CHCHD4: variants seen among roughly 807,000 people sequenced by gnomAD.
CHCHD4 encodes coiled-coil-helix-coiled-coil-helix domain containing 4, also known as mitochondrial intermembrane space import and assembly protein 40.
A neutral mutation model predicts 12.4 loss-of-function variants in CHCHD4; 7 were observed. The ratio of observed to expected loss-of-function variants is 0.57; its 90% CI spans 0.32 to 1.06. The LOEUF is 1.06. Ranked by LOEUF, CHCHD4 falls within the 50% of genes least tolerant of loss-of-function variation. The pLI, the probability that CHCHD4 is intolerant of heterozygous loss-of-function variation, is 0.04. For synonymous variants in CHCHD4, 56 were observed against 58.0 expected (o/e 0.97, Z 0.16); for missense variants, 143 against 175.1 (o/e 0.82, Z 1.03).
chr3:14,116,427 A>C lies in CHCHD4; in HGVS notation c.120T>G (p.His40Gln). Residue 40 changes from histidine (H) to glutamine (Q), a missense_variant and splice_region_variant, in exon 2 of 3, where the codon CAT becomes CAG. By Grantham distance (24) the His-to-Gln change is conservative (BLOSUM62 0). Coordinates refer to ENST00000396914, the MANE Select transcript of CHCHD4 (RefSeq NM_001098502.2). Reference protein sequence around the residue: ...ADDPNDPYEEHGLILPNGNIN... With the variant: ...ADDPNDPYEEQGLILPNGNIN... ...CCTGGGAGGCCACATGTCACTCACCATGCTCCTCGTATGGATCGTTGGGGT... is the reference window on the plus strand; with the variant it reads ...CCTGGGAGGCCACATGTCACTCACCCTGCTCCTCGTATGGATCGTTGGGGT... 3 of 1,601,180 alleles carry C rather than the reference A, an allele frequency of 1.9e-6. No homozygotes were observed. Among genetic ancestry groups the C allele is most frequent in the Non-Finnish European group, 2.6e-6 (3 of 1,172,522 alleles).
At chr3:14,118,420 G>A (rs750977036) in intron 1 of CHCHD4, among the ~76,000 whole-genome samples, 2 of 152,244 alleles carry the variant, frequency 1.3e-5, no homozygotes. Context: ...AGTAATTAAG[G>A]AAGAGGCTTC....
At position 14,124,787 on chromosome 3, in the gene CHCHD4, G is replaced by A. The variant is rs981263939; in HGVS notation, c.-111C>T. 2.3e-6 allele frequency: 3 copies of A among 1,281,064 alleles called. No homozygotes were observed. Among genetic ancestry groups the A allele is most frequent in the Admixed American group, 2.9e-5 (1 of 34,054 alleles). The allele number at this position is 1,281,064 out of a possible 1,614,324, so 79.4% of individuals were successfully genotyped here. On this transcript the variant is annotated 5_prime_UTR_variant, in exon 1 of 3. Transcript: ENST00000396914. ...GGCGGGCTCCTCCGAAGCCCGCGCG[G>A]ACCCGCCCCCTCCCAGGCCTGCCCG...
intron 1 of CHCHD4, among the ~76,000 whole-genome samples, chr3:14,121,039 T>C (rs1178565450): frequency 6.6e-6 from 1 of 152,206 alleles, no homozygotes; most frequent in Non-Finnish European, 1.5e-5. Context: ...TACATCTTTC[T>C]GCAGCTGCAG....
chr3:14,116,297 T>TGG (rs1411410149), intron 2 of CHCHD4, 129 bp downstream of exon 2: 1 of 730,702 alleles, frequency 1.4e-6, no homozygotes, highest in Non-Finnish European at 2.5e-6. Context: ...CCCTCAGAGA[T>TGG]GGTCTATGGC....
rs138395245 is a variant in CHCHD4 at position 14,113,218 on chromosome 3, G to A, written c.122-24C>T. Reference sequence around the variant, plus strand: ...TCCTAGAACAGGAAGATAGAGAGATGTTCTCTAAAGTTTCAGAAAATACAA... The same window carrying A: ...TCCTAGAACAGGAAGATAGAGAGATATTCTCTAAAGTTTCAGAAAATACAA... On this transcript the variant is annotated intron_variant, in intron 2 of 2. Transcript: ENST00000396914. 10,553 of 1,553,374 alleles carry A rather than the reference G, an allele frequency of 6.8e-3. 59 individuals carry two copies. The highest frequency in any genetic ancestry group is 8.2e-3 in the Non-Finnish European group (9,433 of 1,144,336).
intron 1 of CHCHD4, among the ~76,000 whole-genome samples, chr3:14,118,618 G>A (rs1471763105): frequency 1.3e-5 from 2 of 152,326 alleles, no homozygotes; most frequent in African/African-American, 2.4e-5. Context: ...ACCCACTGGA[G>A]GCTTTTGCTC....
At chr3:14,122,363 T>C (rs919744526) in intron 1 of CHCHD4, among the ~76,000 whole-genome samples, 11 of 152,370 alleles carry the variant, frequency 7.2e-5, no homozygotes, top group African/African-American at 2.4e-4. Context: ...TGCTCACCAC[T>C]ATATGCCCAA....
intron 1 of CHCHD4, 73 bp from the exon 2 acceptor site, chr3:14,116,597 G>A (rs553924081): frequency 3.0e-5 from 34 of 1,132,022 alleles, no homozygotes; most frequent in Non-Finnish European, 4.3e-5. Context: ...CAAAGCAGCC[G>A]CCACACAAAC....
At chr3:14,117,658 C>G (rs1694889896) in intron 1 of CHCHD4, among the ~76,000 whole-genome samples, 2 of 152,206 alleles carry the variant, frequency 1.3e-5, no homozygotes, top group Non-Finnish European at 2.9e-5. Flanking sequence ...ATCAGTTTCT[C>G]CAGCTGTCCC....
intron 2 of CHCHD4, among the ~76,000 whole-genome samples, chr3:14,114,684 G>A (rs115373694): frequency 0.016 from 2,492 of 152,238 alleles, 34 homozygotes; most frequent in South Asian, 0.029. Context: ...AACAAAAAAT[G>A]TATAACCTAG....
At chr3:14,113,241 C>T in intron 2 of CHCHD4, 47 bp from the exon 3 acceptor site, 1 of 1,487,422 alleles carries the variant, frequency 6.7e-7, no homozygotes, top group Non-Finnish European at 9.2e-7. Context: ...TCAGAAAATA[C>T]AAAACTAGTC....
intron 1 of CHCHD4, among the ~76,000 whole-genome samples, chr3:14,122,270 C>T (rs1694943727): frequency 6.6e-6 from 1 of 152,214 alleles, no homozygotes; most frequent in Admixed American, 6.5e-5. Flanking sequence ...TCACCTATGA[C>T]AGTCTGTAAT....
chr3:14,116,542 G>A lies in CHCHD4; in HGVS notation c.23-18C>T. On this transcript the variant is annotated intron_variant, in intron 1 of 2. Transcript: ENST00000396914. ...ATCCTTCCCTAGTGTTTGGAGAACA[G>A]AGGAAGAAATATTTCATTCAAGAGC... The A allele has an allele frequency of 6.4e-7, 1 of 1,554,630 alleles. No individual in the cohort carries two copies. Among genetic ancestry groups the A allele is most frequent in the African/African-American group, 1.3e-5 (1 of 74,296 alleles).
intron 1 of CHCHD4, chr3:14,121,786 T>A (rs1343294568): frequency 6.6e-7 from 1 of 1,508,422 alleles, no homozygotes; most frequent in African/African-American, 1.4e-5. Context: ...AGGACTTTCA[T>A]GTTTAGAATC....
chr3:14,117,260 C>T (rs1421897154), intron 1 of CHCHD4, among the ~76,000 whole-genome samples: 2 of 152,188 alleles, frequency 1.3e-5, no homozygotes, highest in Non-Finnish European at 2.9e-5. Flanking sequence ...GCCTGGCTGC[C>T]GGAAGGTCTG....
intron 2 of CHCHD4, among the ~76,000 whole-genome samples, chr3:14,116,113 G>A (rs1002727904): frequency 6.6e-6 from 1 of 152,168 alleles, no homozygotes; most frequent in Non-Finnish European, 1.5e-5. Context: ...GGTAGATGTG[G>A]CAGAATTCAG....
intron 1 of CHCHD4, among the ~76,000 whole-genome samples, chr3:14,122,855 CG>C (rs1694951359): frequency 6.6e-6 from 1 of 152,060 alleles, no homozygotes; most frequent in Non-Finnish European, 1.5e-5. Context: ...GAGTCAGCCA[CG>C]GAAGAGCTGA....
intron 1 of CHCHD4, among the ~76,000 whole-genome samples, chr3:14,121,388 A>C (rs1694932494): frequency 6.6e-6 from 1 of 152,234 alleles, no homozygotes; most frequent in African/African-American, 2.4e-5. Context: ...GGAAGACAGA[A>C]TGGTTATCAC....
intron 1 of CHCHD4, among the ~76,000 whole-genome samples, chr3:14,119,898 G>A (rs1028010234): frequency 2.6e-5 from 4 of 152,130 alleles, no homozygotes; most frequent in African/African-American, 9.7e-5. Flanking sequence ...AGTTTCTGCT[G>A]TCAGCTGGAA....
Sources: allele counts gnomAD v4.1 joint callset (sites outside exome capture counted in the v4.1 genomes callset), GRCh38; gene constraint gnomAD v4.1.1; transcripts MANE v1.5; gene names NCBI Gene and HGNC (gene_info 2026-07-23, HGNC 2026-07-21).